The following CATSPERE variants were observed in gnomAD, a reference collection of about 807,000 sequenced individuals.
CATSPERE encodes cation channel sperm-associated auxiliary subunit epsilon.
A neutral mutation model predicts 114.1 loss-of-function variants in CATSPERE; 93 were observed. The observed-to-expected ratio is 0.81, with a 90% CI of 0.69 to 0.97. CATSPERE has a LOEUF of 0.97. Among genes scored for constraint, CATSPERE ranks in the 50% least tolerant of loss-of-function variants. The pLI is 0.00. For missense variants in CATSPERE, 1,058 were observed against 1,131.6 expected (o/e 0.93, Z 0.93); for synonymous variants, 341 against 384.1 (o/e 0.89, Z 1.31).
At chr1:244,459,227 C>T (rs1027591875), upstream of CATSPERE, among the ~76,000 whole-genome samples, 2 of 152,024 alleles carry the variant, frequency 1.3e-5, no homozygotes, top group African/African-American at 4.8e-5. Flanking sequence ...TACAGGCATG[C>T]ATCACCATGC....
At chr1:244,479,256 G>A (rs1350675250) in intron 4 of CATSPERE, among the ~76,000 whole-genome samples, 1 of 151,952 alleles carries the variant, frequency 6.6e-6, no homozygotes, top group Non-Finnish European at 1.5e-5. Context: ...ACCACACCCA[G>A]CTAATGTTGT....
chr1:244,570,013 C>A (rs1266129878), intron 10 of CATSPERE, among the ~76,000 whole-genome samples: 13 of 152,126 alleles, frequency 8.5e-5, no homozygotes, highest in Non-Finnish European at 1.0e-4. Flanking sequence ...CTCCTAAGTA[C>A]CTAGAACAGT....
chr1:244,550,311 A>G (rs72773442), intron 8 of CATSPERE, among the ~76,000 whole-genome samples: 18,758 of 152,234 alleles, frequency 0.12, 1,957 homozygotes, highest in African/African-American at 0.28. Flanking sequence ...ACTTACTAAT[A>G]TGAATAGCAT....
At chr1:244,616,587 G>A (rs145696128) in intron 19 of CATSPERE, among the ~76,000 whole-genome samples, 13 of 152,264 alleles carry the variant, frequency 8.5e-5, no homozygotes, top group Middle Eastern at 3.4e-3. Context: ...GGGTGAGGGC[G>A]AGTGAGAGGG....
In CATSPERE at chr1:244,552,464, G is replaced by T; in HGVS notation, c.679G>T (p.Gly227Cys). 6.2e-7 allele frequency: 1 copy of T among 1,614,130 alleles called. No homozygotes were observed. The highest frequency in any genetic ancestry group is 8.5e-7 in the Non-Finnish European group (1 of 1,180,012). Reference sequence around the variant, plus strand: ...TTTGTTGACCATACCTGAAATTCCTGGTTATTTACCAATCTCCTCACCACG... The same window carrying T: ...TTTGTTGACCATACCTGAAATTCCTTGTTATTTACCAATCTCCTCACCACG... ...FPLLTIPEIP[G>C]YLPISSPRGS... is the part of the protein sequence containing the mutation. Residue 227 changes from glycine (G) to cysteine (C), a missense_variant, in exon 9 of 22, where the codon GGT becomes TGT. Transcript: ENST00000366534.
At chr1:244,617,468 T>C (rs948772832) in intron 19 of CATSPERE, 61 bp from the exon 20 acceptor site, 2 of 1,282,906 alleles carry the variant, frequency 1.6e-6, no homozygotes, top group Non-Finnish European at 2.1e-6. Context: ...AATGAGACTA[T>C]AATTTTGCGT....
intron 19 of CATSPERE, 78 bp from the exon 20 acceptor site, chr1:244,617,451 C>T: frequency 8.7e-7 from 1 of 1,144,938 alleles, no homozygotes. Context: ...AATAATTTTC[C>T]AAGATAAATG....
At chr1:244,455,258 C>CT (rs1196565851) in intron 1 of CATSPERE, among the ~76,000 whole-genome samples, 1 of 152,030 alleles carries the variant, frequency 6.6e-6, no homozygotes, top group African/African-American at 2.4e-5. Flanking sequence ...TTCCCGCGTC[C>CT]CCCCGCTCCC....
chr1:244,602,107 C>A (rs1360838252), intron 17 of CATSPERE, among the ~76,000 whole-genome samples: 2 of 152,202 alleles, frequency 1.3e-5, no homozygotes, highest in East Asian at 3.9e-4. Flanking sequence ...GGAGAGTAGT[C>A]TACTGGAACA....
At chr1:244,501,523 A>G (rs984071053) in intron 7 of CATSPERE, among the ~76,000 whole-genome samples, 1 of 152,196 alleles carries the variant, frequency 6.6e-6, no homozygotes, top group Non-Finnish European at 1.5e-5. Flanking sequence ...ATATTATCCT[A>G]TCTCATGGTA....
At position 244,465,719 on chromosome 1, in the gene CATSPERE, A is replaced by G. The variant is rs1434159640; in HGVS notation, c.114+1763A>G. On this transcript the variant is annotated intron_variant, in intron 2 of 21. Transcript: ENST00000366534. Reference sequence around the variant, plus strand: ...CTACTTTGGCTATTTGCGTTTTTATATAAATTTTAGAATAAGGCTGTTAGT... The same window carrying G: ...CTACTTTGGCTATTTGCGTTTTTATGTAAATTTTAGAATAAGGCTGTTAGT... 5.9e-5 allele frequency among the ~76,000 whole-genome samples: 9 copies of G among 152,216 alleles called. 1 individual carries two copies. Among genetic ancestry groups the G allele is most frequent in the Admixed American group, 5.2e-4 (8 of 15,282 alleles).
chr1:244,626,260 G>T (rs543229648), intron 20 of CATSPERE, among the ~76,000 whole-genome samples: 1 of 151,980 alleles, frequency 6.6e-6, no homozygotes, highest in Non-Finnish European at 1.5e-5. Context: ...GCCAAGGTGG[G>T]TGGTCGCCTG....
At chr1:244,507,790 G>C (rs1246158661) in intron 7 of CATSPERE, among the ~76,000 whole-genome samples, 1 of 152,126 alleles carries the variant, frequency 6.6e-6, no homozygotes, top group African/African-American at 2.4e-5. Context: ...TTAGTTGGCT[G>C]TAAATATGTG....
intron 8 of CATSPERE, among the ~76,000 whole-genome samples, chr1:244,550,566 A>AT (rs1333865762): frequency 6.6e-6 from 1 of 152,222 alleles, no homozygotes; most frequent in Admixed American, 6.5e-5. Flanking sequence ...TGAGGTTATT[A>AT]TATAATCAGT....
rs944739329 is a variant in CATSPERE, at chr1:244,624,173, G to A, written c.2648+6487G>A. On this transcript the variant is annotated intron_variant, in intron 20 of 21. Coordinates refer to ENST00000366534, the MANE Select transcript of CATSPERE (RefSeq NM_001130957.2). The stretch of plus-strand genomic sequence containing the variant: ...TTTTTAGTAGAGACAGGGTTTCACC[G>A]TGTTAGCCAGGATGGTCTCAATCTC... 1.4e-4 allele frequency among the ~76,000 whole-genome samples: 18 copies of A among 127,538 alleles called. No individual in the cohort carries two copies. In the East Asian group the frequency reaches 2.3e-3, roughly 16 times the overall value. The allele number at this position is 127,538 out of a possible 152,430, so 83.7% of individuals were successfully genotyped here. A position where few individuals can be genotyped will look rare whatever the true frequency, so the allele number is the denominator to read the frequency against.
chr1:244,520,287 A>G (rs368028872), intron 8 of CATSPERE, among the ~76,000 whole-genome samples: 6 of 151,894 alleles, frequency 4.0e-5, no homozygotes, highest in Admixed American at 1.3e-4. Context: ...CTTTGAGTTT[A>G]TATTTGGTCT....
At chr1:244,490,304 C>T in intron 5 of CATSPERE, 143 bp from the exon 6 acceptor site, 2 of 529,590 alleles carry the variant, frequency 3.8e-6, no homozygotes, top group Non-Finnish European at 6.7e-6. Context: ...TTTGTTTTTA[C>T]ATTTAGCCTT....
upstream of CATSPERE, chr1:244,451,507 G>A (rs1426495414): frequency 4.8e-6 from 5 of 1,043,076 alleles, no homozygotes; most frequent in Non-Finnish European, 5.4e-6. The surrounding 1 kb of genome is among the most constrained non-coding windows in gnomAD (Gnocchi z 6.6). Flanking sequence ...GACAGGAGGA[G>A]AGAGCCTCAA....
Position 244,581,928 on chromosome 1 carries a change from T to C in CATSPERE, c.2009+74T>C. The C allele has an allele frequency of 6.4e-6, 4 of 622,148 alleles. 1 individual carries two copies. The South Asian group carries it at 7.9e-5, about 12-fold the overall frequency. 38.5% of individuals were successfully genotyped at this position (622,148 alleles called of 1,614,324 possible). A position where few individuals can be genotyped will look rare whatever the true frequency, so the allele number is the denominator to read the frequency against. On this transcript the variant is annotated intron_variant, in intron 12 of 21. Transcript: ENST00000366534. ...AGGTTATTGATTTGTGGGTGTTCTT[T>C]TATTTAAATGGCCTCATATTCTTTT... is the stretch of plus-strand genomic sequence containing the variant.
Sources: allele counts gnomAD v4.1 joint callset (sites outside exome capture counted in the v4.1 genomes callset), GRCh38; gene constraint gnomAD v4.1.1; non-coding constraint Gnocchi (gnomAD v3.1); transcripts MANE v1.5; gene names NCBI Gene and HGNC (gene_info 2026-07-23, HGNC 2026-07-21).